The following SMG7 variants were observed in gnomAD, a reference collection of about 807,000 sequenced individuals.
SMG7 encodes the protein nonsense-mediated mRNA decay factor SMG7.
Under a neutral mutation model 148.2 loss-of-function variants are expected in SMG7, and 34 were observed. The ratio of observed to expected loss-of-function variants is 0.23; its 90% CI spans 0.17 to 0.31. SMG7 has a LOEUF of 0.31. Among genes scored for constraint, SMG7 ranks in the 10% least tolerant of loss-of-function variants. SMG7 has a pLI of 1.00. For missense variants in SMG7, 1,114 were observed against 1,408.4 expected (o/e 0.79, Z 3.35); for synonymous variants, 492 against 515.1 (o/e 0.96, Z 0.61).
chr1:183,539,974 T>C (rs1431570050), intron 12 of SMG7, among the ~76,000 whole-genome samples: 1 of 152,194 alleles, frequency 6.6e-6, no homozygotes, highest in South Asian at 2.1e-4. Flanking sequence ...TCCCAGTTGC[T>C]CCACTGTCTC....
rs16861138 is a variant in SMG7 at position 183,541,990 on chromosome 1, A to C, written c.1416-86A>C. The C allele has an allele frequency of 2.5e-3, 2,713 of 1,096,654 alleles. 47 individuals carry two copies. In the African/African-American group the frequency reaches 0.04, roughly 16 times the overall value. 67.9% of individuals were successfully genotyped at this position (1,096,654 alleles called of 1,614,324 possible). ...GTTTTCATGGTTATTAGTGCTAGGA[A>C]TATATTGACTTGGATCCACACACAA... On this transcript the variant is annotated intron_variant, in intron 13 of 22. Transcript: ENST00000688051.
intron 18 of SMG7, 27 bp from the exon 19 acceptor site, chr1:183,549,181 A>G: frequency 2.6e-6 from 4 of 1,539,078 alleles, no homozygotes; most frequent in Non-Finnish European, 3.6e-6. Flanking sequence ...GTATAACTTA[A>G]TTACCTTTTT....
At chr1:183,478,694 G>A (rs1653296692) in intron 1 of SMG7, among the ~76,000 whole-genome samples, 1 of 152,122 alleles carries the variant, frequency 6.6e-6, no homozygotes. Flanking sequence ...CACTTTAAAA[G>A]GGCTGGTGTG....
intron 1 of SMG7, among the ~76,000 whole-genome samples, chr1:183,477,830 A>G (rs1030860134): frequency 3.3e-5 from 5 of 152,094 alleles, no homozygotes; most frequent in African/African-American, 1.2e-4. Flanking sequence ...ATGTGTGTAT[A>G]TATACATATA....
intron 4 of SMG7, among the ~76,000 whole-genome samples, chr1:183,524,639 A>G (rs1042366052): frequency 1.3e-5 from 2 of 152,294 alleles, no homozygotes; most frequent in African/African-American, 4.8e-5. Context: ...TGTACATGCT[A>G]GAAAGAGTGG....
In SMG7 at chr1:183,552,010, C is replaced by T; in HGVS notation, c.*79C>T. The T allele has an allele frequency of 1.4e-6, 2 of 1,467,374 alleles. No homozygotes were observed. The highest frequency in any genetic ancestry group is 2.9e-5 in the South Asian group (2 of 69,500). The allele number at this position is 1,467,374 out of a possible 1,614,324, so 90.9% of individuals were successfully genotyped here. A position where few individuals can be genotyped will look rare whatever the true frequency, so the allele number is the denominator to read the frequency against. On this transcript the variant is annotated 3_prime_UTR_variant, in exon 23 of 23. Transcript: ENST00000688051. ...TTGCAGGACTGGCCCACACAGTCCC[C>T]TGCAGGTGGCAGCCCTCTTTTCTGT...
rs905450607 is a variant in SMG7, at chr1:183,529,135, C to T, written c.707+93C>T. 6 of 1,194,150 alleles carry T rather than the reference C, an allele frequency of 5.0e-6. No homozygotes were observed. In the African/African-American group the frequency reaches 6.1e-5, roughly 12 times the overall value. The allele number at this position is 1,194,150 out of a possible 1,614,324, so 74.0% of individuals were successfully genotyped here. On this transcript the variant is annotated intron_variant, in intron 7 of 22. Coordinates refer to ENST00000688051, the MANE Select transcript of SMG7 (RefSeq NM_001375584.1). ...TAATTTGGTTTACAGAAAATAACGG[C>T]CTATGCTTCTCTTATTTCTAAACAT...
chr1:183,486,585 G>T (rs1046643505), intron 1 of SMG7, among the ~76,000 whole-genome samples: 2 of 150,840 alleles, frequency 1.3e-5, no homozygotes, highest in South Asian at 4.2e-4. Context: ...CGATTTTTGT[G>T]TTTTTAGTAG....
chr1:183,525,472 G>T (rs533839238), intron 4 of SMG7, among the ~76,000 whole-genome samples: 1 of 152,318 alleles, frequency 6.6e-6, no homozygotes, highest in African/African-American at 2.4e-5. Flanking sequence ...TATGAAAAGT[G>T]TGGACTCCTT....
At chr1:183,516,502 T>G (rs111550045) in intron 3 of SMG7, among the ~76,000 whole-genome samples, 1 of 152,344 alleles carries the variant, frequency 6.6e-6, no homozygotes, top group Non-Finnish European at 1.5e-5. Flanking sequence ...ATTTAGACTT[T>G]TCCGCTTCTT....
chr1:183,478,925 A>G (rs1013844601), intron 1 of SMG7, among the ~76,000 whole-genome samples: 2 of 152,202 alleles, frequency 1.3e-5, no homozygotes, highest in Non-Finnish European at 2.9e-5. Flanking sequence ...TTTTGCAGTC[A>G]AGCCATATTT....
chr1:183,528,951 A>G lies in SMG7; in HGVS notation c.616A>G (p.Ile206Val), dbSNP rs1666385473. Residue 206 changes from isoleucine to valine, a missense_variant, in exon 7 of 23, where the codon ATT becomes GTT. Transcript: ENST00000688051. ...ASSKGDHLTT[I>V]FYYCRSIAVK... ...TTCCAAAGGAGACCATCTGACCACA[A>G]TTTTCTACTACTGCAGAAGCATTGC... 1 of 1,613,562 alleles carries G rather than the reference A, an allele frequency of 6.2e-7. No individual in the cohort carries two copies. The highest frequency in any genetic ancestry group is 8.5e-7 in the Non-Finnish European group (1 of 1,179,628).
At chr1:183,510,922 C>T (rs1255730989) in intron 1 of SMG7, among the ~76,000 whole-genome samples, 2 of 151,370 alleles carry the variant, frequency 1.3e-5, no homozygotes, top group Non-Finnish European at 2.9e-5. Context: ...ACCTGGGAGG[C>T]GGAGCTTGCA....
chr1:183,541,070 C>T lies in SMG7; in HGVS notation c.1382C>T (p.Ser461Phe). The change falls in exon 13 of 23, where the codon TCT becomes TTT. Residue 461 changes from serine (S) to phenylalanine (F), a missense_variant. Ser to Phe is a radical substitution (Grantham distance 155). Coordinates refer to ENST00000688051, the MANE Select transcript of SMG7 (RefSeq NM_001375584.1). The part of the protein sequence containing the change: ...QRRIRQQRLI[S>F]IGKWIADNQP... ...CGAATACGACAGCAACGCTTGATCTCTATAGGCAAATGGATTGCTGATAAT... is the reference window on the plus strand; with the variant it reads ...CGAATACGACAGCAACGCTTGATCTTTATAGGCAAATGGATTGCTGATAAT... 3.1e-6 allele frequency: 5 copies of T among 1,613,660 alleles called. No individual in the cohort carries two copies. Among genetic ancestry groups the T allele is most frequent in the Non-Finnish European group, 4.2e-6 (5 of 1,179,582 alleles).
chr1:183,475,359 A>T (rs1333342175), intron 1 of SMG7, among the ~76,000 whole-genome samples: 1 of 152,236 alleles, frequency 6.6e-6, no homozygotes, highest in African/African-American at 2.4e-5. Flanking sequence ...TTATCTGGAC[A>T]AAGTGGTCGG....
intron 1 of SMG7, among the ~76,000 whole-genome samples, chr1:183,497,382 A>G (rs1382205859): frequency 1.3e-5 from 2 of 152,160 alleles, no homozygotes; most frequent in African/African-American, 4.8e-5. Context: ...CAGTGCTTAC[A>G]AAGTCTCAGT....
rs561798613 is a variant in SMG7 at position 183,551,627 on chromosome 1, A to G, written c.3451-191A>G. 9.2e-5 allele frequency among the ~76,000 whole-genome samples: 14 copies of G among 152,338 alleles called. No homozygotes were observed. The South Asian group carries it at 2.9e-3, about 32-fold the overall frequency. Reference sequence around the variant, plus strand: ...ATGTGATTTCACTTCTTCTGGTTTAAAATAGTCTTAATGGAAACTAACTAG... The same window carrying G: ...ATGTGATTTCACTTCTTCTGGTTTAGAATAGTCTTAATGGAAACTAACTAG... On this transcript the variant is annotated intron_variant, in intron 22 of 22. Transcript: ENST00000688051.
At chr1:183,547,021 T>G in intron 17 of SMG7, 82 bp from the exon 18 acceptor site, 1 of 1,352,120 alleles carries the variant, frequency 7.4e-7, no homozygotes, top group Non-Finnish European at 1.0e-6. Flanking sequence ...TTTAGTTGTC[T>G]TCTTCCACCT....
At chr1:183,511,138 CAA>C (rs563052787) in intron 1 of SMG7, among the ~76,000 whole-genome samples, 3 of 140,854 alleles carry the variant, frequency 2.1e-5, no homozygotes, top group African/African-American at 2.6e-5. Context: ...CTCTCTCTCT[CAA>C]AAAAAAAAAA....
Sources: gnomAD v4.1 joint callset for allele counts (sites outside exome capture counted in the v4.1 genomes callset) on GRCh38, gnomAD v4.1.1 for gene constraint, MANE v1.5 for transcripts, NCBI Gene and HGNC (gene_info 2026-07-23, HGNC 2026-07-21) for gene names.